Variants in GIPC1 observed in about 807,000 individuals in gnomAD.
GIPC1 encodes PDZ domain-containing protein GIPC1.
GIPC1 carries 15 observed loss-of-function variants against 28.5 expected under a neutral mutation model. That is an observed-to-expected ratio of 0.53 (90% CI 0.35 to 0.81). GIPC1 has a LOEUF of 0.81. Ranked by LOEUF, GIPC1 falls within the 30% of genes least tolerant of loss-of-function variation. The probability of loss-of-function intolerance (pLI) is 0.01; values close to 1 mark genes in which losing one functional copy is unlikely to be tolerated. For synonymous variants in GIPC1, 224 were observed against 206.1 expected (o/e 1.09, Z -0.74); for missense variants, 439 against 481.9 (o/e 0.91, Z 0.83).
chr19:14,492,158 G>A (rs947742770), intron 2 of GIPC1, among the ~76,000 whole-genome samples: 3 of 152,202 alleles, frequency 2.0e-5, no homozygotes, highest in East Asian at 1.9e-4. Context: ...ACATGAATCT[G>A]GAACCTGGCT....
In GIPC1 at chr19:14,483,022, T is replaced by G. The variant is rs1278042040; in HGVS notation, c.-30-16A>C. On this transcript the variant is annotated splice_polypyrimidine_tract_variant and intron_variant, in intron 3 of 8. Transcript: ENST00000393033. ...ACCAGAAGATCTGCAGGACAGGAAG[T>G]GGGGCTCAGGGCCTGGGCAGAGGCC... The G allele has an allele frequency of 8.8e-6, 14 of 1,584,332 alleles. No individual in the cohort carries two copies. The highest frequency in any genetic ancestry group is 1.2e-5 in the Non-Finnish European group (14 of 1,167,436).
At chr19:14,489,464 A>G in intron 3 of GIPC1, 2 of 947,028 alleles carry the variant, frequency 2.1e-6, no homozygotes, top group East Asian at 4.8e-5. Flanking sequence ...GGTGGCAGAC[A>G]TGTCCAAGGA....
chr19:14,494,726 C>A (rs927222346), intron 1 of GIPC1, among the ~76,000 whole-genome samples: 1 of 152,172 alleles, frequency 6.6e-6, no homozygotes, highest in Admixed American at 6.6e-5. Flanking sequence ...CTTGAAACAG[C>A]CCCCTAAACA....
chr19:14,478,211 C>G lies in GIPC1; in HGVS notation c.*205G>C. 1 of 568,786 alleles carries G rather than the reference C, an allele frequency of 1.8e-6. No individual in the cohort carries two copies. The highest frequency in any genetic ancestry group is 3.1e-6 in the Non-Finnish European group (1 of 325,920). The allele number at this position is 568,786 out of a possible 1,614,324, so 35.2% of individuals were successfully genotyped here. ...GGTGGGGAACAGGGCACAGGGGGGC[C>G]GGGGACCCCGGCCAGACTGGGAACC... On this transcript the variant is annotated 3_prime_UTR_variant, in exon 9 of 9. Transcript: ENST00000393033. The surrounding 1 kb of genome is among the most constrained non-coding windows in gnomAD (Gnocchi z 5.2).
chr19:14,479,188 C>T (rs2071667828), intron 7 of GIPC1, among the ~76,000 whole-genome samples: 1 of 152,086 alleles, frequency 6.6e-6, no homozygotes, highest in African/African-American at 2.4e-5. Flanking sequence ...CCCATCTCTA[C>T]TAAAAATACA....
chr19:14,488,786 A>G (rs115657772), intron 3 of GIPC1, among the ~76,000 whole-genome samples: 2,535 of 151,444 alleles, frequency 0.017, 67 homozygotes, highest in African/African-American at 0.054. Context: ...AAAAAAAAAA[A>G]AAAGAAAGAA....
chr19:14,485,734 G>GAGAGAGAC (rs2071828402), intron 3 of GIPC1, among the ~76,000 whole-genome samples: 1 of 145,134 alleles, frequency 6.9e-6, no homozygotes, highest in Non-Finnish European at 1.5e-5. Context: ...GAGAGAGAGA[G>GAGAGAGAC]AGAGAGACAG....
chr19:14,481,648 G>C (rs2071731370), intron 4 of GIPC1: 1 of 149,618 alleles, frequency 6.7e-6, no homozygotes, highest in Admixed American at 6.8e-5. Context: ...TTGAACCCAG[G>C]AGGTGGAGGT....
At chr19:14,490,138 G>A (rs1424890745) in intron 3 of GIPC1, among the ~76,000 whole-genome samples, 1 of 152,056 alleles carries the variant, frequency 6.6e-6, no homozygotes, top group Admixed American at 6.6e-5. Context: ...GGCCGAGGCG[G>A]GCGGATCACG....
rs1269943016 is a variant in GIPC1, at chr19:14,478,249, G to C, written c.*167C>G. ...CAGACTGGGAACCAGGGAGGGGATG[G>C]TACCGATTGGAGCGGGGCAGGGGGC... On this transcript the variant is annotated 3_prime_UTR_variant, in exon 9 of 9. Transcript: ENST00000393033. This position sits in a 1 kb window ranked among gnomAD's most constrained non-coding sequence, Gnocchi z 5.2. 4.5e-6 allele frequency: 3 copies of C among 660,892 alleles called. No homozygotes were observed. Among genetic ancestry groups the C allele is most frequent in the Non-Finnish European group, 7.5e-6 (3 of 398,870 alleles). 40.9% of individuals were successfully genotyped at this position (660,892 alleles called of 1,614,324 possible). A position where few individuals can be genotyped will look rare whatever the true frequency, so the allele number is the denominator to read the frequency against.
chr19:14,489,343 G>A (rs752225206), intron 3 of GIPC1: 35 of 778,366 alleles, frequency 4.5e-5, no homozygotes, highest in South Asian at 6.7e-5. Context: ...GAGGGAAGCC[G>A]TGCGTTCTGT....
At position 14,496,076 on chromosome 19, in the gene GIPC1, T is replaced by A; in HGVS notation, c.-214A>T. 4.9e-6 allele frequency: 1 copy of A among 203,368 alleles called. No individual in the cohort carries two copies. Among genetic ancestry groups the A allele is most frequent in the Non-Finnish European group, 9.1e-6 (1 of 109,470 alleles). The allele number at this position is 203,368 out of a possible 1,614,324, so 12.6% of individuals were successfully genotyped here. The stretch of plus-strand genomic sequence containing the variant: ...CCGCCGCCGCCGCCGCCGCCGCCGC[T>A]GCCTCCGCCTCCCCGTGCGCACCCG... On this transcript the variant is annotated 5_prime_UTR_variant, in exon 1 of 9. Transcript: ENST00000393033.
chr19:14,491,434 T>C (rs1282432497), intron 3 of GIPC1, among the ~76,000 whole-genome samples: 1 of 151,944 alleles, frequency 6.6e-6, no homozygotes, highest in Non-Finnish European at 1.5e-5. Context: ...AATTTTTGTA[T>C]TTTTAGTAGA....
chr19:14,485,236 G>C lies in GIPC1; in HGVS notation c.-30-2230C>G, dbSNP rs936691497. 3.3e-5 allele frequency among the ~76,000 whole-genome samples: 5 copies of C among 152,078 alleles called. No individual in the cohort carries two copies. The South Asian group carries it at 1.0e-3, about 32-fold the overall frequency. ...TCTGTCCCCAGGCTGGAGTGCAGTG[G>C]GGTGATCACGATAATGGCTCACTGC... On this transcript the variant is annotated intron_variant, in intron 3 of 8. Transcript: ENST00000393033.
Position 14,496,062 on chromosome 19 carries a change from G to GCCGCCGCCGCCGCTGCCT in GIPC1, c.-218_-201dup, listed in dbSNP as rs954181558. On this transcript the variant is annotated 5_prime_UTR_variant, in exon 1 of 9. Transcript: ENST00000393033. ...CTGCTCCGCCGCCGCCGCCGCCGCC[G>GCCGCCGCCGCCGCTGCCT]CCGCCGCCGCCGCTGCCTCCGCCTC... 14 of 248,372 alleles carry GCCGCCGCCGCCGCTGCCT rather than the reference G, an allele frequency of 5.6e-5. 1 individual carries two copies. Among genetic ancestry groups the GCCGCCGCCGCCGCTGCCT allele is most frequent in the Admixed American group, 4.9e-4 (9 of 18,264 alleles). 15.4% of individuals were successfully genotyped at this position (248,372 alleles called of 1,614,324 possible).
intron 6 of GIPC1, chr19:14,480,018 C>T: frequency 3.5e-6 from 2 of 565,040 alleles, no homozygotes; most frequent in Non-Finnish European, 6.3e-6. Flanking sequence ...CAAGCCTGGC[C>T]TGTTGGGGAT....
intron 4 of GIPC1, 188 bp downstream of exon 4, chr19:14,482,501 G>A: frequency 3.2e-6 from 2 of 628,052 alleles, no homozygotes; most frequent in Middle Eastern, 4.3e-4. Context: ...CAATTCACAG[G>A]GGCACAAGCC....
At chr19:14,485,379 T>A (rs547998468) in intron 3 of GIPC1, among the ~76,000 whole-genome samples, 322 of 150,446 alleles carry the variant, frequency 2.1e-3, no homozygotes, top group Non-Finnish European at 3.9e-3. Context: ...GTAGGCCTGG[T>A]GCGATGGCTC....
intron 3 of GIPC1, among the ~76,000 whole-genome samples, chr19:14,490,017 T>C (rs1014319060): frequency 2.0e-5 from 3 of 152,122 alleles, no homozygotes; most frequent in Non-Finnish European, 4.4e-5. Context: ...TGGCTTGAAG[T>C]AGCTCTGGAA....
Sources: gnomAD v4.1 joint callset for allele counts (sites outside exome capture counted in the v4.1 genomes callset) on GRCh38, gnomAD v4.1.1 for gene constraint, Gnocchi (gnomAD v3.1) non-coding constraint, MANE v1.5 for transcripts, NCBI Gene and HGNC (gene_info 2026-07-23, HGNC 2026-07-21) for gene names.